Variants in CCDC88A observed in about 807,000 individuals in gnomAD.
The protein encoded by CCDC88A is coiled-coil and HOOK domain protein 88A, also known as girdin.
Under a neutral mutation model 234.3 loss-of-function variants are expected in CCDC88A, and 54 were observed. The ratio of observed to expected loss-of-function variants is 0.23; its 90% CI spans 0.19 to 0.29. The LOEUF is 0.29. CCDC88A is among the 10% of genes least tolerant of loss of function. CCDC88A has a pLI of 1.00. For missense variants in CCDC88A, 1,832 were observed against 2,123.4 expected (o/e 0.86, Z 2.70); for synonymous variants, 753 against 737.8 (o/e 1.02, Z -0.33).
intron 29 of CCDC88A, among the ~76,000 whole-genome samples, chr2:55,298,359 A>C (rs1680451288): frequency 1.3e-5 from 2 of 152,118 alleles, no homozygotes; most frequent in African/African-American, 2.4e-5. Context: ...TAAATAATTT[A>C]TTTCTTTTAA....
At chr2:55,315,786 T>C in intron 22 of CCDC88A, 142 bp downstream of exon 22, 1 of 440,532 alleles carries the variant, frequency 2.3e-6, no homozygotes, top group Non-Finnish European at 4.0e-6. Context: ...TACATGTAAG[T>C]TTCAGTGATC....
At chr2:55,381,125 G>A (rs922674681) in intron 3 of CCDC88A, among the ~76,000 whole-genome samples, 9 of 146,240 alleles carry the variant, frequency 6.2e-5, no homozygotes, top group Non-Finnish European at 1.1e-4. Flanking sequence ...ACAGTAACAT[G>A]CTATACAGGT....
chr2:55,402,736 G>C (rs562145022), intron 2 of CCDC88A, among the ~76,000 whole-genome samples: 2 of 150,726 alleles, frequency 1.3e-5, no homozygotes, highest in East Asian at 1.9e-4. Flanking sequence ...CCGGCCAGGC[G>C]TGGTGGCTCA....
chr2:55,308,724 T>G, intron 25 of CCDC88A, 85 bp downstream of exon 25: 1 of 916,502 alleles, frequency 1.1e-6, no homozygotes, highest in South Asian at 1.5e-5. Context: ...CATCAGACTA[T>G]TCCCCCAAAG....
At chr2:55,386,472 T>A (rs1675667398) in intron 3 of CCDC88A, among the ~76,000 whole-genome samples, 1 of 151,068 alleles carries the variant, frequency 6.6e-6, no homozygotes, top group African/African-American at 2.4e-5. Flanking sequence ...TTTTATTTTA[T>A]TTTATTTTAT....
Position 55,367,528 on chromosome 2 carries a change from G to GTTTTTTTTTTTTTTT in CCDC88A, c.403-3496_403-3495insAAAAAAAAAAAAAAA. 2.1e-3 allele frequency among the ~76,000 whole-genome samples: 206 copies of GTTTTTTTTTTTTTTT among 99,850 alleles called. 30 individuals carry two copies. Among genetic ancestry groups the GTTTTTTTTTTTTTTT allele is most frequent in the Middle Eastern group, 6.0e-3 (1 of 168 alleles). 65.5% of individuals were successfully genotyped at this position (99,850 alleles called of 152,430 possible). A position where few individuals can be genotyped will look rare whatever the true frequency, so the allele number is the denominator to read the frequency against. On this transcript the variant is annotated intron_variant, in intron 5 of 32. Transcript: ENST00000436346. ...TTGCTAGAAATTGTTTTATTTCCTTGTTTTTTTTTAAGAGACTGGGTCTTG... is the reference window on the plus strand; with the variant it reads ...TTGCTAGAAATTGTTTTATTTCCTTGTTTTTTTTTTTTTTTTTTTTTTTTAAGAGACTGGGTCTTG...
At chr2:55,363,299 A>C (rs528725948) in intron 6 of CCDC88A, among the ~76,000 whole-genome samples, 1 of 151,998 alleles carries the variant, frequency 6.6e-6, no homozygotes, top group East Asian at 1.9e-4. Flanking sequence ...AATACTACCA[A>C]TTTTCACTAT....
At chr2:55,375,374 T>C (rs1224069144) in intron 3 of CCDC88A, among the ~76,000 whole-genome samples, 1 of 151,260 alleles carries the variant, frequency 6.6e-6, no homozygotes, top group Admixed American at 6.6e-5. Flanking sequence ...GAAACATTCC[T>C]CAATAAAAGT....
intron 2 of CCDC88A, among the ~76,000 whole-genome samples, chr2:55,394,889 A>G (rs1677275617): frequency 6.6e-6 from 1 of 151,812 alleles, no homozygotes; most frequent in Non-Finnish European, 1.5e-5. Flanking sequence ...TCTGTTGCCC[A>G]GGCTGGAGTG....
intron 25 of CCDC88A, among the ~76,000 whole-genome samples, chr2:55,304,657 A>C (rs1681318533): frequency 1.3e-5 from 2 of 152,188 alleles, no homozygotes; most frequent in Admixed American, 1.3e-4. Context: ...TTTTGAAGGA[A>C]TTTGATTTTG....
At position 55,344,473 on chromosome 2, in the gene CCDC88A, G is replaced by A; in HGVS notation, c.1083C>T (p.Thr361=). The A allele has an allele frequency of 1.9e-6, 3 of 1,574,068 alleles. No homozygotes were observed. Among genetic ancestry groups the A allele is most frequent in the Non-Finnish European group, 2.6e-6 (3 of 1,154,154 alleles). ...TTCCCTCTAGTTGGTCTTCCAACATGGTTTTTGTTTCTAATAAAACTTGAT... is the reference window on the plus strand; with the variant it reads ...TTCCCTCTAGTTGGTCTTCCAACATAGTTTTTGTTTCTAATAAAACTTGAT... ...EDNQVLLETK[T]MLEDQLEGTR... The change falls in exon 11 of 33, where the codon ACC becomes ACT. Residue 361 remains threonine (T), a synonymous_variant. Transcript: ENST00000436346.
At chr2:55,387,001 C>A (rs539839560) in intron 3 of CCDC88A, among the ~76,000 whole-genome samples, 1 of 150,294 alleles carries the variant, frequency 6.7e-6, no homozygotes, top group African/African-American at 2.4e-5. Context: ...ATGGCGAAAC[C>A]CAGTCTCTAC....
In CCDC88A at chr2:55,301,986, T is replaced by C. The variant is rs757537794; in HGVS notation, c.4558A>G (p.Thr1520Ala). Residue 1520 changes from threonine (T) to alanine (A), a missense_variant, in exon 27 of 33, where the codon ACG becomes GCG. Transcript: ENST00000436346. Reference protein sequence around the residue: ...ENLEVPDDISTGKRRKELGAM... With the variant: ...ENLEVPDDISAGKRRKELGAM... ...CCCAATTCTTTTCTCCTTTTACCCG[T>C]TGAAATATCATCAGGAACCTCCAAA... 29 of 1,613,964 alleles carry C rather than the reference T, an allele frequency of 1.8e-5. No individual in the cohort carries two copies. Among genetic ancestry groups the C allele is most frequent in the Non-Finnish European group, 2.2e-5 (26 of 1,179,926 alleles).
chr2:55,323,521 A>G (rs116462052), intron 17 of CCDC88A: 8 of 152,310 alleles, frequency 5.3e-5, no homozygotes, highest in African/African-American at 1.7e-4. Context: ...GGGGTACCCT[A>G]TGATCCTAGT....
At chr2:55,367,840 A>G (rs146062261) in intron 5 of CCDC88A, among the ~76,000 whole-genome samples, 26 of 152,296 alleles carry the variant, frequency 1.7e-4, no homozygotes, top group Non-Finnish European at 2.6e-4. Flanking sequence ...TAAAAGGGTC[A>G]AAATTTTAAT....
chr2:55,385,672 G>T (rs1219481653), intron 3 of CCDC88A, among the ~76,000 whole-genome samples: 1 of 149,530 alleles, frequency 6.7e-6, no homozygotes, highest in African/African-American at 2.5e-5. Flanking sequence ...GGCCAACATG[G>T]TGAAACCACA....
chr2:55,369,953 T>C (rs1672577250), intron 5 of CCDC88A, among the ~76,000 whole-genome samples: 1 of 152,356 alleles, frequency 6.6e-6, no homozygotes, highest in African/African-American at 2.4e-5. Flanking sequence ...TCTAAAATCC[T>C]TGTCCCTGTC....
rs1276590538 is a variant in CCDC88A, at chr2:55,291,679, TTGGCCCACATGTCATGTAG to T, written c.*13_*31del. 7.1e-7 allele frequency: 1 copy of T among 1,410,296 alleles called. No individual in the cohort carries two copies. Among genetic ancestry groups the T allele is most frequent in the East Asian group, 2.3e-5 (1 of 43,034 alleles). 87.4% of individuals were successfully genotyped at this position (1,410,296 alleles called of 1,614,324 possible). ...ACATTTTAAGCAGGAAACTCACCACTTGGCCCACATGTCATGTAGTGGGTAATAGAATTAGGAGCTTTGT... is the reference window on the plus strand; with the variant it reads ...ACATTTTAAGCAGGAAACTCACCACTTGGGTAATAGAATTAGGAGCTTTGT... On this transcript the variant is annotated 3_prime_UTR_variant, in exon 32 of 33. Transcript: ENST00000436346.
chr2:55,389,655 T>C (rs778627685), intron 2 of CCDC88A, among the ~76,000 whole-genome samples: 10 of 152,216 alleles, frequency 6.6e-5, no homozygotes, highest in East Asian at 1.9e-4. Context: ...CTCAAACTTT[T>C]AGGTCTCAAG....
Sources: allele counts gnomAD v4.1 joint callset (sites outside exome capture counted in the v4.1 genomes callset), GRCh38; gene constraint gnomAD v4.1.1; transcripts MANE v1.5; gene names NCBI Gene and HGNC (gene_info 2026-07-23, HGNC 2026-07-21).